FAF2: variants seen among roughly 807,000 people sequenced by gnomAD.
FAF2 encodes FAS-associated factor 2.
A neutral mutation model predicts 62.3 loss-of-function variants in FAF2; 9 were observed. The ratio of observed to expected loss-of-function variants is 0.14; its 90% CI spans 0.09 to 0.25. FAF2 has a LOEUF of 0.25. Ranked by LOEUF, FAF2 falls within the 10% of genes least tolerant of loss-of-function variation. The pLI is 1.00. For synonymous variants in FAF2, 202 were observed against 198.0 expected (o/e 1.02, Z -0.17); for missense variants, 368 against 556.2 (o/e 0.66, Z 3.40).
At chr5:176,459,484 C>T (rs1173109678) in intron 1 of FAF2, among the ~76,000 whole-genome samples, 2 of 152,162 alleles carry the variant, frequency 1.3e-5, no homozygotes, top group Middle Eastern at 3.4e-3. Flanking sequence ...AGGCTGGTCT[C>T]AAACTCCTGG....
chr5:176,450,279 A>G (rs1244187449), intron 1 of FAF2, among the ~76,000 whole-genome samples: 40 of 152,304 alleles, frequency 2.6e-4, no homozygotes, highest in Non-Finnish European at 7.3e-5. Flanking sequence ...TGAATTGATG[A>G]CCCAGCAAAT....
In FAF2 at chr5:176,494,076, G is replaced by A. The variant is rs750410760; in HGVS notation, c.561G>A (p.Glu187=). The A allele has an allele frequency of 2.5e-6, 4 of 1,613,794 alleles. No homozygotes were observed. The South Asian group carries it at 4.4e-5, about 18-fold the overall frequency. Residue 187 remains glutamate (E), a synonymous_variant, in exon 6 of 11, where the codon GAG becomes GAA. Transcript: ENST00000261942. This position sits in a 1 kb window ranked among gnomAD's most constrained non-coding sequence, Gnocchi z 4.0. ...LHGDDHQDSD[E]FCRNTLCAPE... ...GAGATGATCACCAGGACTCTGATGAGTTTTGTCGGTAAGTGGATTGATTAT... is the reference window on the plus strand; with the variant it reads ...GAGATGATCACCAGGACTCTGATGAATTTTGTCGGTAAGTGGATTGATTAT...
intron 4 of FAF2, among the ~76,000 whole-genome samples, chr5:176,490,842 GA>G (rs367731598): frequency 8.8e-4 from 49 of 55,752 alleles, no homozygotes; most frequent in African/African-American, 3.5e-3. Context: ...GTGTAATGAG[GA>G]AAAAAAAATA....
chr5:176,466,941 C>G (rs2913730), intron 1 of FAF2, among the ~76,000 whole-genome samples: 2 of 151,134 alleles, frequency 1.3e-5, no homozygotes, highest in Admixed American at 1.3e-4. Context: ...CCCACTGATA[C>G]TATCAGGCAA....
Position 176,448,467 on chromosome 5 carries a change from T to C in FAF2, c.60T>C (p.Phe20=). The change falls in exon 1 of 11, where the codon TTT becomes TTC. Residue 20 remains phenylalanine, a synonymous_variant. Coordinates refer to ENST00000261942, the MANE Select transcript of FAF2 (RefSeq NM_014613.3). ...TQEQTEKLLQ[F]QDLTGIESMD... ...AGCAGACAGAGAAGCTGCTGCAGTT[T>C]CAGGTAGCAGCGAGTACTCGGTGCA... is the stretch of plus-strand genomic sequence containing the variant. 1 of 1,598,558 alleles carries C rather than the reference T, an allele frequency of 6.3e-7. No individual in the cohort carries two copies. The highest frequency in any genetic ancestry group is 8.5e-7 in the Non-Finnish European group (1 of 1,172,876).
intron 1 of FAF2, among the ~76,000 whole-genome samples, chr5:176,474,750 T>C (rs557404457): frequency 6.6e-6 from 1 of 152,342 alleles, no homozygotes; most frequent in South Asian, 2.1e-4. Flanking sequence ...GAGCACCCAA[T>C]CTAAAGGAAT....
At chr5:176,459,880 C>G (rs1410912076) in intron 1 of FAF2, among the ~76,000 whole-genome samples, 1 of 151,844 alleles carries the variant, frequency 6.6e-6, no homozygotes, top group East Asian at 1.9e-4. Context: ...CACTTGCCCC[C>G]CTCCCACTCT....
intron 2 of FAF2, among the ~76,000 whole-genome samples, chr5:176,484,072 C>G (rs1221466622): frequency 1.4e-5 from 2 of 144,236 alleles, no homozygotes; most frequent in Non-Finnish European, 3.0e-5. Context: ...GACTCCGTCT[C>G]AAAAAAAGAA....
intron 2 of FAF2, among the ~76,000 whole-genome samples, chr5:176,483,526 T>C (rs1455788534): frequency 6.6e-6 from 1 of 152,228 alleles, no homozygotes; most frequent in Non-Finnish European, 1.5e-5. Context: ...GATTATTCTT[T>C]CCTCGTTGAA....
At chr5:176,489,178 C>G in intron 4 of FAF2, 151 bp downstream of exon 4, 1 of 559,422 alleles carries the variant, frequency 1.8e-6, no homozygotes, top group Non-Finnish European at 3.2e-6. Flanking sequence ...ATACAACATA[C>G]AAGTATTTTA....
chr5:176,491,828 G>A (rs1044459649), intron 4 of FAF2, among the ~76,000 whole-genome samples: 1 of 152,124 alleles, frequency 6.6e-6, no homozygotes, highest in Non-Finnish European at 1.5e-5. Context: ...GTACTTAGAC[G>A]GTGCCATTCT....
rs978341436 is a variant in FAF2 at position 176,492,075 on chromosome 5, T to C, written c.345-119T>C. The C allele has an allele frequency of 2.6e-6, 3 of 1,137,272 alleles. 1 individual carries two copies. The East Asian group carries it at 7.0e-5, about 27-fold the overall frequency. The allele number at this position is 1,137,272 out of a possible 1,614,324, so 70.4% of individuals were successfully genotyped here. ...CGGATTTGATGGTCCACTCACAGAC[T>C]GTTCACCTCCCTTTGTTGCCGTGCC... On this transcript the variant is annotated intron_variant, in intron 4 of 10. Coordinates refer to ENST00000261942, the MANE Select transcript of FAF2 (RefSeq NM_014613.3).
intron 10 of FAF2, among the ~76,000 whole-genome samples, chr5:176,503,638 A>C (rs1755631777): frequency 1.3e-5 from 2 of 151,988 alleles, no homozygotes; most frequent in Non-Finnish European, 2.9e-5. Context: ...ACAGATTTGT[A>C]GGTAATGCTC....
chr5:176,477,056 C>T (rs549045604), intron 1 of FAF2, among the ~76,000 whole-genome samples: 20 of 151,288 alleles, frequency 1.3e-4, no homozygotes, highest in African/African-American at 4.8e-4. Flanking sequence ...GATCCGCCCG[C>T]CTCGGCCTCC....
chr5:176,487,686 A>G (rs1315958528), intron 3 of FAF2, among the ~76,000 whole-genome samples: 3 of 152,214 alleles, frequency 2.0e-5, no homozygotes, highest in East Asian at 3.8e-4. Context: ...AATTAATAAC[A>G]GCAATAATAA....
intron 4 of FAF2, among the ~76,000 whole-genome samples, chr5:176,491,095 A>G (rs1482936921): frequency 1.3e-5 from 2 of 152,178 alleles, no homozygotes; most frequent in Non-Finnish European, 2.9e-5. Context: ...TTTGTTAAGG[A>G]AAAGTATCAC....
At chr5:176,479,075 C>T (rs979694350) in intron 1 of FAF2, 113 bp from the exon 2 acceptor site, 1 of 832,664 alleles carries the variant, frequency 1.2e-6, no homozygotes, top group Non-Finnish European at 2.1e-6. Flanking sequence ...CATACTTTAA[C>T]ACTCACTTTT....
intron 3 of FAF2, 150 bp downstream of exon 3, chr5:176,486,639 T>G (rs1264125435): frequency 3.5e-5 from 25 of 710,116 alleles, no homozygotes; most frequent in African/African-American, 7.4e-5. Context: ...TTATTTTGCC[T>G]TGATTCCTCA....
At chr5:176,456,919 TACTC>T (rs1331862938) in intron 1 of FAF2, among the ~76,000 whole-genome samples, 4 of 148,362 alleles carry the variant, frequency 2.7e-5, no homozygotes, top group South Asian at 2.1e-4. Context: ...TTGACATACT[TACTC>T]AGTAGTGTTT....
Sources: gnomAD v4.1 joint callset for allele counts (sites outside exome capture counted in the v4.1 genomes callset) on GRCh38, gnomAD v4.1.1 for gene constraint, Gnocchi (gnomAD v3.1) non-coding constraint, MANE v1.5 for transcripts, NCBI Gene and HGNC (gene_info 2026-07-23, HGNC 2026-07-21) for gene names.